The following FAM91A1 variants were observed in gnomAD, a reference collection of about 807,000 sequenced individuals.
FAM91A1 encodes family with sequence similarity 91 member A1.
A neutral mutation model predicts 113.5 loss-of-function variants in FAM91A1; 41 were observed. The observed-to-expected ratio is 0.36, with a 90% confidence interval of 0.28 to 0.47. FAM91A1 has a LOEUF of 0.47. Ranked by LOEUF, FAM91A1 falls within the 20% of genes least tolerant of loss-of-function variation. The pLI is 1.00. For missense variants in FAM91A1, 696 were observed against 1,001.2 expected (o/e 0.70, Z 4.11); for synonymous variants, 307 against 347.9 (o/e 0.88, Z 1.31).
chr8:123,796,774 C>T (rs911104710), intron 15 of FAM91A1, among the ~76,000 whole-genome samples: 30 of 146,858 alleles, frequency 2.0e-4, no homozygotes, highest in African/African-American at 5.5e-4. Flanking sequence ...TTTTAAGATA[C>T]GGGTCTTGGC....
At position 123,803,365 on chromosome 8, in the gene FAM91A1, G is replaced by A. The variant is rs147930197; in HGVS notation, c.1810-1902G>A. ...CACTCTGTCACCCAGGCTGAAGTCC[G>A]TGGCATGATCACAGCTCACTGCAGC... On this transcript the variant is annotated intron_variant, in intron 18 of 23. Coordinates refer to ENST00000334705, the MANE Select transcript of FAM91A1 (RefSeq NM_144963.4). 6.2e-4 allele frequency among the ~76,000 whole-genome samples: 95 copies of A among 152,054 alleles called. No homozygotes were observed. The East Asian group carries it at 0.015, about 24-fold the overall frequency.
chr8:123,778,810 T>C (rs780402205), intron 6 of FAM91A1, 38 bp downstream of exon 6: 1 of 1,276,560 alleles, frequency 7.8e-7, no homozygotes, highest in African/African-American at 1.6e-5. Flanking sequence ...AATTTTTATT[T>C]TTTAGTTTAT....
chr8:123,798,395 G>A (rs955566269), intron 16 of FAM91A1, among the ~76,000 whole-genome samples, 157 bp downstream of exon 16: 13 of 152,192 alleles, frequency 8.5e-5, no homozygotes, highest in Non-Finnish European at 1.5e-4. Flanking sequence ...AATTTGTGGA[G>A]TGTAATTGGT....
intron 8 of FAM91A1, among the ~76,000 whole-genome samples, chr8:123,782,188 T>C (rs549850424): frequency 6.6e-6 from 1 of 152,328 alleles, no homozygotes; most frequent in Admixed American, 6.5e-5. Context: ...CCCCATTACA[T>C]TGATGTGTTC....
intron 23 of FAM91A1, chr8:123,810,613 G>A (rs1452770542): frequency 1.9e-5 from 10 of 518,298 alleles, no homozygotes; most frequent in Admixed American, 4.0e-5. Flanking sequence ...TTTATGGGCT[G>A]TGTGCCATGC....
intron 16 of FAM91A1, 99 bp downstream of exon 16, chr8:123,798,337 T>C (rs545945053): frequency 7.3e-7 from 1 of 1,362,284 alleles, no homozygotes; most frequent in South Asian, 1.5e-5. Flanking sequence ...AATCACTGAA[T>C]CATAGAAAGC....
At chr8:123,788,169 A>G (rs2130095871) in intron 14 of FAM91A1, 2 of 983,570 alleles carry the variant, frequency 2.0e-6, no homozygotes, top group South Asian at 4.7e-5. Context: ...CCTGGGTATC[A>G]TATTTATGTC....
rs2130057673 is a variant in FAM91A1, at chr8:123,778,087, T to A, written c.430T>A (p.Ser144Thr). 6.3e-7 allele frequency: 1 copy of A among 1,597,718 alleles called. No individual in the cohort carries two copies. Among genetic ancestry groups the A allele is most frequent in the Non-Finnish European group, 8.5e-7 (1 of 1,171,602 alleles). ...YIDLMNQCRS[S>T]KKFFRRKTAR... Reference sequence around the variant, plus strand: ...TGATCTTATGAATCAGTGTAGATCATCAAAAGTAAGTTAGTACTTTCTTTT... The same window carrying A: ...TGATCTTATGAATCAGTGTAGATCAACAAAAGTAAGTTAGTACTTTCTTTT... The change falls in exon 5 of 24, where the codon TCA becomes ACA. Residue 144 changes from serine to threonine, a missense_variant. Coordinates refer to ENST00000334705, the MANE Select transcript of FAM91A1 (RefSeq NM_144963.4).
rs1814754977 is a variant in FAM91A1 at position 123,768,478 on chromosome 8, G to T, written c.-225G>T. The T allele has an allele frequency of 2.2e-6, 1 of 461,058 alleles. No homozygotes were observed. The highest frequency in any genetic ancestry group is 3.8e-6 in the Non-Finnish European group (1 of 262,466). The allele number at this position is 461,058 out of a possible 1,614,324, so 28.6% of individuals were successfully genotyped here. A position where few individuals can be genotyped will look rare whatever the true frequency, so the allele number is the denominator to read the frequency against. ...CGGCCCGAAACTAGGAAGAAACTTG[G>T]AGCTGTTCAGGCGATCCAGCCTCCA... On this transcript the variant is annotated 5_prime_UTR_variant, in exon 1 of 24. Transcript: ENST00000334705.
At chr8:123,785,819 T>C (rs943491253) in intron 11 of FAM91A1, 78 bp downstream of exon 11, 2 of 757,744 alleles carry the variant, frequency 2.6e-6, no homozygotes, top group Admixed American at 7.0e-5. Context: ...ATAAATTTAT[T>C]TATTTATTTA....
At chr8:123,774,259 A>AT (rs1814926708) in intron 2 of FAM91A1, 95 bp downstream of exon 2, 1 of 981,210 alleles carries the variant, frequency 1.0e-6, no homozygotes, top group African/African-American at 1.7e-5. Flanking sequence ...TAGTACTGAG[A>AT]TTATTCCATG....
chr8:123,807,937 C>A (rs1387224672), intron 20 of FAM91A1, among the ~76,000 whole-genome samples: 2 of 152,106 alleles, frequency 1.3e-5, no homozygotes, highest in Admixed American at 6.5e-5. Context: ...TAACTTGGGT[C>A]CTCCTTTTTG....
intron 22 of FAM91A1, 139 bp from the exon 23 acceptor site, chr8:123,810,143 C>T (rs1384573991): frequency 2.7e-6 from 2 of 751,754 alleles, no homozygotes; most frequent in Non-Finnish European, 4.1e-6. Context: ...ATGAGAAACA[C>T]TGAAATTGTT....
chr8:123,785,143 A>G (rs369194063), intron 10 of FAM91A1, 24 bp downstream of exon 10: 2 of 1,566,614 alleles, frequency 1.3e-6, no homozygotes, highest in African/African-American at 2.7e-5. Flanking sequence ...ATACTCATTT[A>G]CTGGTGATGT....
rs776943456 is a variant in FAM91A1 at position 123,787,296 on chromosome 8, A to G, written c.1114A>G (p.Thr372Ala). 7 of 1,611,662 alleles carry G rather than the reference A, an allele frequency of 4.3e-6. No homozygotes were observed. Among genetic ancestry groups the G allele is most frequent in the East Asian group, 4.5e-5 (2 of 44,894 alleles). The stretch of plus-strand genomic sequence containing the variant: ...CAGTGTAAGCAGCCTGAGTCTGTCT[A>G]CAGGACACACGAAGCGCATCGCATT... ...TASVSSLSLS[T>A]GHTKRIAFLF... Residue 372 changes from threonine (T) to alanine (A), a missense_variant, in exon 13 of 24, where the codon ACA (threonine) becomes GCA (alanine). Coordinates refer to ENST00000334705, the MANE Select transcript of FAM91A1 (RefSeq NM_144963.4).
rs1192600989 is a variant in FAM91A1, at chr8:123,777,965, G to A, written c.368-60G>A. On this transcript the variant is annotated intron_variant, in intron 4 of 23. Transcript: ENST00000334705. Reference sequence around the variant, plus strand: ...TCGGGTTTTTCCTACAATCGCTTGTGAACATATTGAGATTTCAAGATATGT... The same window carrying A: ...TCGGGTTTTTCCTACAATCGCTTGTAAACATATTGAGATTTCAAGATATGT... 4 of 1,416,258 alleles carry A rather than the reference G, an allele frequency of 2.8e-6. No homozygotes were observed. In the African/African-American group the frequency reaches 4.3e-5, roughly 15 times the overall value. 87.7% of individuals were successfully genotyped at this position (1,416,258 alleles called of 1,614,324 possible). A position where few individuals can be genotyped will look rare whatever the true frequency, so the allele number is the denominator to read the frequency against.
At position 123,790,767 on chromosome 8, in the gene FAM91A1, T is replaced by G. The variant is rs181896733; in HGVS notation, c.1411+1022T>G. On this transcript the variant is annotated intron_variant, in intron 15 of 23. Transcript: ENST00000334705. ...GAGGCTAGACTCACTTGGTATCAAG[T>G]GATTCACTTCTGCAGCCTTAATATG... Among the ~76,000 whole-genome samples the G allele has an allele frequency of 7.2e-5, 11 of 152,298 alleles. No individual in the cohort carries two copies. In the East Asian group the frequency reaches 1.9e-3, roughly 27 times the overall value.
chr8:123,810,948 A>G, intron 23 of FAM91A1: 1 of 152,670 alleles, frequency 6.6e-6, no homozygotes, highest in East Asian at 1.9e-4. Flanking sequence ...TAAGATACTA[A>G]TGGAACTTAG....
At chr8:123,769,410 G>A (rs1254935928) in intron 1 of FAM91A1, among the ~76,000 whole-genome samples, 1 of 152,222 alleles carries the variant, frequency 6.6e-6, no homozygotes, top group Non-Finnish European at 1.5e-5. Flanking sequence ...AGTTTTTTGA[G>A]TGCGCGGGGC....
Sources: gnomAD v4.1 joint callset for allele counts (sites outside exome capture counted in the v4.1 genomes callset) on GRCh38, gnomAD v4.1.1 for gene constraint, MANE v1.5 for transcripts, NCBI Gene and HGNC (gene_info 2026-07-23, HGNC 2026-07-21) for gene names.